The following PDCD1LG2 variants were observed in gnomAD, a reference collection of about 807,000 sequenced individuals.
PDCD1LG2 encodes B7 dendritic cell molecule.
PDCD1LG2 carries 32 observed loss-of-function variants against 28.2 expected under a neutral mutation model. That is an observed-to-expected ratio of 1.13 (90% CI 0.86 to 1.52). The LOEUF (loss-of-function observed/expected upper bound fraction) is 1.52, where lower values mean the gene tolerates loss of function less well. PDCD1LG2 is among the 40% of genes most tolerant of loss of function. The pLI is 0.00. For synonymous variants in PDCD1LG2, 116 were observed against 120.2 expected, an observed-to-expected ratio of 0.97 and a Z score of 0.23; for missense variants, 385 against 323.8, an observed-to-expected ratio of 1.19 and a Z score of -1.45.
At chr9:5,525,852 G>C (rs35600400) in intron 2 of PDCD1LG2, among the ~76,000 whole-genome samples, 1 of 151,834 alleles carries the variant, frequency 6.6e-6, no homozygotes, top group African/African-American at 2.4e-5. Flanking sequence ...ACCGAGACCA[G>C]CCTGGCCCGC....
rs1223019702 is a variant in PDCD1LG2 at position 5,569,963 on chromosome 9, T to G, written c.*4T>G. 2 of 1,614,082 alleles carry G rather than the reference T, an allele frequency of 1.2e-6. No individual in the cohort carries two copies. The highest frequency in any genetic ancestry group is 8.5e-7 in the Non-Finnish European group (1 of 1,179,914). On this transcript the variant is annotated 3_prime_UTR_variant, in exon 7 of 7. Coordinates refer to ENST00000397747, the MANE Select transcript of PDCD1LG2 (RefSeq NM_025239.4). The surrounding 1 kb of genome is among the most constrained non-coding windows in gnomAD (Gnocchi z 4.1). ...GGGCTTTTCTCCCCAGATCTGAACC[T>G]GTGGTCTTGGGAGCCAGGGTGACCT...
intron 1 of PDCD1LG2, among the ~76,000 whole-genome samples, chr9:5,516,619 G>A (rs1307296494): frequency 3.9e-5 from 6 of 152,198 alleles, no homozygotes; most frequent in Non-Finnish European, 5.9e-5. Flanking sequence ...GTGCCGAGGG[G>A]TGCCTGCAGG....
intron 5 of PDCD1LG2, among the ~76,000 whole-genome samples, chr9:5,562,302 C>G (rs117259388): frequency 2.0e-5 from 3 of 152,122 alleles, no homozygotes. Flanking sequence ...GAATACTACT[C>G]AGCCATGAAA....
At chr9:5,535,115 G>T (rs1820555619) in intron 3 of PDCD1LG2, 65 bp downstream of exon 3, 1 of 1,424,442 alleles carries the variant, frequency 7.0e-7, no homozygotes, top group African/African-American at 1.4e-5. Flanking sequence ...GCAAGTCACA[G>T]AAACCCATTA....
chr9:5,534,952 A>G lies in PDCD1LG2; in HGVS notation c.263A>G (p.His88Arg), dbSNP rs1442017336. Residue 88 changes from histidine (H) to arginine (R), a missense_variant, in exon 3 of 7, where the codon CAC becomes CGC. Coordinates refer to ENST00000397747, the MANE Select transcript of PDCD1LG2 (RefSeq NM_025239.4). ...CTGCCCCTAGGGAAGGCCTCGTTCC[A>G]CATACCTCAAGTCCAAGTGAGGGAC... ...EQLPLGKASF[H>R]IPQVQVRDEG... is the part of the protein sequence containing the mutation. 3 of 1,614,146 alleles carry G rather than the reference A, an allele frequency of 1.9e-6. No individual in the cohort carries two copies. Among genetic ancestry groups the G allele is most frequent in the South Asian group, 1.1e-5 (1 of 91,074 alleles).
intron 2 of PDCD1LG2, among the ~76,000 whole-genome samples, chr9:5,527,734 C>T (rs1210400837): frequency 6.6e-6 from 1 of 152,078 alleles, no homozygotes; most frequent in East Asian, 1.9e-4. Flanking sequence ...ACTGCCAAAC[C>T]TTTCCATAGT....
intron 5 of PDCD1LG2, among the ~76,000 whole-genome samples, chr9:5,559,064 A>AT (rs1006916499): frequency 2.6e-5 from 4 of 152,170 alleles, no homozygotes; most frequent in African/African-American, 9.7e-5. Context: ...GGACTCCTTA[A>AT]TAACTTCAGA....
chr9:5,528,545 T>C, intron 2 of PDCD1LG2, among the ~76,000 whole-genome samples: 1 of 151,726 alleles, frequency 6.6e-6, no homozygotes, highest in Non-Finnish European at 1.5e-5. Context: ...ACTCAAGCCA[T>C]CTTCTCGCCT....
intron 6 of PDCD1LG2, among the ~76,000 whole-genome samples, chr9:5,567,322 T>C (rs1483452981): frequency 1.3e-5 from 2 of 152,238 alleles, no homozygotes; most frequent in Admixed American, 1.3e-4. Context: ...TAACTTACTG[T>C]TAGAAATGGA....
At chr9:5,538,681 C>CT (rs1820631468) in intron 3 of PDCD1LG2, among the ~76,000 whole-genome samples, 1 of 148,654 alleles carries the variant, frequency 6.7e-6, no homozygotes, top group Non-Finnish European at 1.5e-5. Flanking sequence ...GAGCGAGACT[C>CT]TGTCTCAAAA....
chr9:5,522,054 C>A (rs925941538), intron 1 of PDCD1LG2, among the ~76,000 whole-genome samples: 1 of 152,178 alleles, frequency 6.6e-6, no homozygotes, highest in Non-Finnish European at 1.5e-5. Context: ...GACTACTTTG[C>A]TCAGTCAACT....
intron 4 of PDCD1LG2, among the ~76,000 whole-genome samples, chr9:5,554,538 G>A (rs1042415912): frequency 2.0e-5 from 3 of 152,172 alleles, no homozygotes; most frequent in Non-Finnish European, 4.4e-5. Flanking sequence ...ACACGGAAAC[G>A]AAGAGTATGG....
intron 4 of PDCD1LG2, among the ~76,000 whole-genome samples, chr9:5,554,440 T>A (rs1051919267): frequency 3.9e-5 from 6 of 152,262 alleles, no homozygotes; most frequent in Non-Finnish European, 8.8e-5. Flanking sequence ...AGTTGTCTTA[T>A]GACTGTTCCC....
intron 5 of PDCD1LG2, 61 bp downstream of exon 5, chr9:5,557,813 T>C (rs2129923624): frequency 6.3e-7 from 1 of 1,589,914 alleles, no homozygotes; most frequent in Admixed American, 1.7e-5. Context: ...GAGCCACTGC[T>C]TTGCACTGCA....
chr9:5,549,220 C>T, intron 3 of PDCD1LG2, 115 bp from the exon 4 acceptor site: 2 of 977,214 alleles, frequency 2.0e-6, no homozygotes, highest in Non-Finnish European at 3.1e-6. Flanking sequence ...AAATGATAAC[C>T]ATTATTACTT....
intron 1 of PDCD1LG2, among the ~76,000 whole-genome samples, chr9:5,516,134 C>T (rs1820157659): frequency 6.6e-6 from 1 of 151,830 alleles, no homozygotes; most frequent in Admixed American, 6.6e-5. Flanking sequence ...TCACTGCAAC[C>T]TCTGCCTCCC....
In PDCD1LG2 at chr9:5,549,884, C is replaced by G. The variant is rs550296549; in HGVS notation, c.631+280C>G. On this transcript the variant is annotated intron_variant, in intron 4 of 6. Transcript: ENST00000397747. ...AGAATAGGGAAGCTGCCACATGCAG[C>G]GACTCCAAAGGGTGGAAACTGGATG... 1.1e-4 allele frequency among the ~76,000 whole-genome samples: 16 copies of G among 152,270 alleles called. No individual in the cohort carries two copies. The South Asian group carries it at 3.1e-3, about 30-fold the overall frequency.
intron 2 of PDCD1LG2, among the ~76,000 whole-genome samples, chr9:5,530,759 G>A (rs1329689397): frequency 6.6e-6 from 1 of 152,212 alleles, no homozygotes; most frequent in African/African-American, 2.4e-5. Flanking sequence ...GACTTACTGT[G>A]TTTAAGAAAT....
chr9:5,562,334 G>C (rs750542947), intron 5 of PDCD1LG2, among the ~76,000 whole-genome samples: 10 of 152,208 alleles, frequency 6.6e-5, no homozygotes, highest in Admixed American at 5.2e-4. Flanking sequence ...AATGTGTTTT[G>C]CAACAACTTG....
Sources: allele counts gnomAD v4.1 joint callset (sites outside exome capture counted in the v4.1 genomes callset), GRCh38; gene constraint gnomAD v4.1.1; non-coding constraint Gnocchi (gnomAD v3.1); transcripts MANE v1.5; gene names NCBI Gene and HGNC (gene_info 2026-07-23, HGNC 2026-07-21).